The following GPATCH2L variants were observed in gnomAD, a reference collection of about 807,000 sequenced individuals.
The protein encoded by GPATCH2L is G patch domain-containing protein 2-like.
A neutral mutation model predicts 57.4 loss-of-function variants in GPATCH2L; 31 were observed. The ratio of observed to expected loss-of-function variants is 0.54; its 90% CI spans 0.41 to 0.73. GPATCH2L has a LOEUF of 0.73. Ranked by LOEUF, GPATCH2L falls within the 30% of genes least tolerant of loss-of-function variation. The pLI is 0.00. For missense variants in GPATCH2L, 481 were observed against 599.9 expected (o/e 0.80, Z 2.07); for synonymous variants, 199 against 210.7 (o/e 0.94, Z 0.48).
intron 7 of GPATCH2L, 77 bp downstream of exon 7, chr14:76,178,119 A>C: frequency 7.7e-7 from 1 of 1,304,348 alleles, no homozygotes; most frequent in Non-Finnish European, 1.1e-6. Flanking sequence ...TTACTGGTAA[A>C]AACTGCAGCT....
intron 9 of GPATCH2L, among the ~76,000 whole-genome samples, chr14:76,197,608 T>C (rs896835509): frequency 1.3e-5 from 2 of 152,192 alleles, no homozygotes; most frequent in Non-Finnish European, 2.9e-5. Flanking sequence ...CATCAGTCAG[T>C]AGAACAAATG....
At chr14:76,194,782 T>G (rs1254296386) in intron 8 of GPATCH2L, among the ~76,000 whole-genome samples, 1 of 152,192 alleles carries the variant, frequency 6.6e-6, no homozygotes, top group African/African-American at 2.4e-5. Context: ...TAATATAAAA[T>G]TTACTATTTT....
chr14:76,218,337 T>C (rs2040498178), downstream of GPATCH2L, among the ~76,000 whole-genome samples: 1 of 152,084 alleles, frequency 6.6e-6, no homozygotes, highest in Non-Finnish European at 1.5e-5. Flanking sequence ...CCTTACAAAA[T>C]AAGAATTTAA....
In GPATCH2L at chr14:76,204,667, T is replaced by G. The variant is rs966758352; in HGVS notation, c.*2816T>G. The G allele has an allele frequency of 5.9e-5, 9 of 152,224 alleles. No homozygotes were observed. Among genetic ancestry groups the G allele is most frequent in the Admixed American group, 2.6e-4 (4 of 15,286 alleles). The allele number at this position is 152,224 out of a possible 1,614,324, so 9.4% of individuals were successfully genotyped here. A position where few individuals can be genotyped will look rare whatever the true frequency, so the allele number is the denominator to read the frequency against. On this transcript the variant is annotated 3_prime_UTR_variant, in exon 10 of 10. Coordinates refer to ENST00000261530, the MANE Select transcript of GPATCH2L (RefSeq NM_017926.4). ...GTTGAAAAAACTCTGAACTATGACTTACTTTGAGGATGATCCTTGAGCTCA... is the reference window on the plus strand; with the variant it reads ...GTTGAAAAAACTCTGAACTATGACTGACTTTGAGGATGATCCTTGAGCTCA...
intron 1 of GPATCH2L, among the ~76,000 whole-genome samples, chr14:76,219,754 A>T (rs1419112484): frequency 2.0e-5 from 3 of 152,098 alleles, no homozygotes; most frequent in African/African-American, 7.2e-5. Flanking sequence ...GGGAAAGAGG[A>T]GGTTATACAA....
intron 8 of GPATCH2L, among the ~76,000 whole-genome samples, chr14:76,191,314 T>G (rs1209353646): frequency 6.6e-6 from 1 of 152,128 alleles, no homozygotes; most frequent in African/African-American, 2.4e-5. Flanking sequence ...AACCTCCTTA[T>G]TTTTCCTTCC....
intron 5 of GPATCH2L, 101 bp downstream of exon 5, chr14:76,173,726 A>T: frequency 2.6e-6 from 2 of 774,336 alleles, no homozygotes; most frequent in South Asian, 2.8e-5. Context: ...AACTCCCTGA[A>T]GTTAATGGAG....
chr14:76,226,323 C>T (rs890939778), intron 1 of GPATCH2L, among the ~76,000 whole-genome samples: 6 of 152,180 alleles, frequency 3.9e-5, no homozygotes, highest in African/African-American at 1.2e-4. Flanking sequence ...CTCAGAATTA[C>T]AGCGCTGAGC....
chr14:76,168,620 C>T (rs148940967), intron 3 of GPATCH2L, among the ~76,000 whole-genome samples: 7 of 152,232 alleles, frequency 4.6e-5, no homozygotes, highest in Non-Finnish European at 7.4e-5. Flanking sequence ...ATGTAAATGC[C>T]AGGTGACCAG....
intron 1 of GPATCH2L, among the ~76,000 whole-genome samples, chr14:76,227,815 G>T (rs2040542455): frequency 6.6e-6 from 1 of 152,138 alleles, no homozygotes; most frequent in Non-Finnish European, 1.5e-5. Context: ...AGACTCCTTG[G>T]CTCAGCCCCG....
chr14:76,164,657 T>C (rs1440955553), intron 2 of GPATCH2L, among the ~76,000 whole-genome samples: 1 of 152,308 alleles, frequency 6.6e-6, no homozygotes, highest in East Asian at 1.9e-4. Flanking sequence ...TCTATAGTTT[T>C]AAAACTGAGA....
At chr14:76,191,420 C>G (rs1319067226) in intron 8 of GPATCH2L, among the ~76,000 whole-genome samples, 1 of 152,014 alleles carries the variant, frequency 6.6e-6, no homozygotes, top group Non-Finnish European at 1.5e-5. Flanking sequence ...GAAGCTGTAG[C>G]AGTTGCCTTA....
At chr14:76,193,658 A>G (rs774436767) in intron 8 of GPATCH2L, among the ~76,000 whole-genome samples, 1 of 152,192 alleles carries the variant, frequency 6.6e-6, no homozygotes, top group East Asian at 1.9e-4. Context: ...AAAGAACCCC[A>G]GAAGCTCCCT....
chr14:76,232,477 A>G (rs2040577318), intron 2 of GPATCH2L, among the ~76,000 whole-genome samples: 1 of 151,940 alleles, frequency 6.6e-6, no homozygotes, highest in South Asian at 2.1e-4. Flanking sequence ...TTTTTCTTTT[A>G]TAAATAACTC....
At chr14:76,230,095 A>C (rs558170648) in intron 2 of GPATCH2L, 1 of 152,260 alleles carries the variant, frequency 6.6e-6, no homozygotes. Flanking sequence ...AGCCTCGCTG[A>C]CACAGCTCTC....
intron 2 of GPATCH2L, among the ~76,000 whole-genome samples, chr14:76,233,381 G>A (rs1473217838): frequency 6.6e-6 from 1 of 152,144 alleles, no homozygotes; most frequent in Non-Finnish European, 1.5e-5. Context: ...CAAAGTGGTG[G>A]TTTCAAATGA....
chr14:76,190,179 A>G (rs2039915045), intron 8 of GPATCH2L, among the ~76,000 whole-genome samples: 1 of 151,992 alleles, frequency 6.6e-6, no homozygotes, highest in African/African-American at 2.4e-5. Context: ...TTTCCTAAGT[A>G]ACACTGCAGT....
chr14:76,162,337 G>T (rs1265577720), intron 2 of GPATCH2L, among the ~76,000 whole-genome samples: 1 of 152,178 alleles, frequency 6.6e-6, no homozygotes, highest in African/African-American at 2.4e-5. Flanking sequence ...CATGGTAGTT[G>T]GCTTTCCGTT....
At chr14:76,192,422 A>T (rs963325815) in intron 8 of GPATCH2L, among the ~76,000 whole-genome samples, 1 of 152,114 alleles carries the variant, frequency 6.6e-6, no homozygotes, top group African/African-American at 2.4e-5. Context: ...CGAAGATATG[A>T]TGTTATTCTA....
Sources: allele counts gnomAD v4.1 joint callset (sites outside exome capture counted in the v4.1 genomes callset), GRCh38; gene constraint gnomAD v4.1.1; transcripts MANE v1.5; gene names NCBI Gene and HGNC (gene_info 2026-07-23, HGNC 2026-07-21).